The following CTNNA3 variants were observed in gnomAD, a reference collection of about 807,000 sequenced individuals.
CTNNA3 encodes catenin alpha-3.
A neutral mutation model predicts 95.7 loss-of-function variants in CTNNA3; 76 were observed. The ratio of observed to expected loss-of-function variants is 0.79; its 90% CI spans 0.66 to 0.96. The LOEUF is 0.96. Ranked by LOEUF, CTNNA3 falls within the 40% of genes least tolerant of loss-of-function variation. CTNNA3 has a pLI of 0.00. For synonymous variants in CTNNA3, 431 were observed against 374.4 expected, an observed-to-expected ratio of 1.15 and a Z score of -1.74; for missense variants, 1,191 against 1,089.8, an observed-to-expected ratio of 1.09 and a Z score of -1.31.
intron 13 of CTNNA3, among the ~76,000 whole-genome samples, chr10:66,130,624 C>T (rs931270072): frequency 1.3e-5 from 2 of 151,896 alleles, no homozygotes; most frequent in African/African-American, 4.8e-5. Context: ...GCAGGAGGAT[C>T]GTGAGGTCTC....
chr10:67,246,148 C>T lies in CTNNA3; in HGVS notation c.580-26278G>A, dbSNP rs149592860. Among the ~76,000 whole-genome samples the T allele has an allele frequency of 1.2e-3, 185 of 152,278 alleles. 1 individual carries two copies. The highest frequency in any genetic ancestry group is 4.4e-3 in the African/African-American group (181 of 41,566). ...GGCAAGTTGTATTTAAAATCCAGAT[C>T]CCTAATTAATAACGATTTTGCCTTA... On this transcript the variant is annotated intron_variant, in intron 5 of 17. Transcript: ENST00000433211.
intron 16 of CTNNA3, among the ~76,000 whole-genome samples, chr10:65,987,915 T>G (rs1462149064): frequency 1.3e-5 from 2 of 152,142 alleles, no homozygotes; most frequent in African/African-American, 4.8e-5. Context: ...GACATTATGT[T>G]AAGTGAAATA....
intron 7 of CTNNA3, among the ~76,000 whole-genome samples, chr10:67,013,328 G>C (rs1370487775): frequency 6.6e-6 from 1 of 152,112 alleles, no homozygotes; most frequent in Non-Finnish European, 1.5e-5. Context: ...ATTTCAGTGA[G>C]TAGTTATTTC....
In CTNNA3 at chr10:66,976,385, C is replaced by T. The variant is rs7912293; in HGVS notation, c.1048-200861G>A. Among the ~76,000 whole-genome samples, 1,242 of 152,176 alleles carry T rather than the reference C, an allele frequency of 8.2e-3. 16 individuals carry two copies. Among genetic ancestry groups the T allele is most frequent in the African/African-American group, 0.028 (1,176 of 41,524 alleles). On this transcript the variant is annotated intron_variant, in intron 7 of 17. Coordinates refer to ENST00000433211, the MANE Select transcript of CTNNA3 (RefSeq NM_013266.4). The stretch of plus-strand genomic sequence containing the variant: ...ACATTTCAGACAAAGAAAAACATGT[C>T]AAACATCCTCTCGACTCTGGAACCC...
rs1207865034 is a variant in CTNNA3 at position 67,692,196 on chromosome 10, G to C, written c.-6+3804C>G. ...TCTGCCCGGCCGCCCCTACTGGGAAGTGAGGAGCCCCTCTGCCCGGCCACC... is the reference window on the plus strand; with the variant it reads ...TCTGCCCGGCCGCCCCTACTGGGAACTGAGGAGCCCCTCTGCCCGGCCACC... On this transcript the variant is annotated intron_variant, in intron 1 of 17. Coordinates refer to ENST00000433211, the MANE Select transcript of CTNNA3 (RefSeq NM_013266.4). Among the ~76,000 whole-genome samples the C allele has an allele frequency of 2.0e-5, 3 of 151,078 alleles. No homozygotes were observed. The East Asian group carries it at 6.0e-4, about 30-fold the overall frequency.
intron 3 of CTNNA3, among the ~76,000 whole-genome samples, chr10:67,601,032 C>A (rs1341235346): frequency 1.3e-5 from 2 of 152,178 alleles, no homozygotes; most frequent in Non-Finnish European, 2.9e-5. Flanking sequence ...GTAGCGGGGA[C>A]AAGGGGCCCT....
intron 13 of CTNNA3, among the ~76,000 whole-genome samples, chr10:66,156,581 G>A (rs74141247): frequency 1.3e-5 from 2 of 151,108 alleles, no homozygotes; most frequent in African/African-American, 4.9e-5. Context: ...TAGGGAAACA[G>A]ACAATAAACA....
At chr10:67,365,687 C>T (rs76930234) in intron 5 of CTNNA3, among the ~76,000 whole-genome samples, 1,758 of 152,270 alleles carry the variant, frequency 0.012, 26 homozygotes, top group Non-Finnish European at 0.016. Flanking sequence ...TACCATCTCA[C>T]GCCAGTTAGA....
At chr10:66,973,891 G>A (rs568768900) in intron 7 of CTNNA3, among the ~76,000 whole-genome samples, 4 of 151,954 alleles carry the variant, frequency 2.6e-5, no homozygotes, top group South Asian at 4.2e-4. Flanking sequence ...CAAAGTGCTG[G>A]GATTACAGGC....
chr10:67,138,869 C>G (rs1860415162), intron 7 of CTNNA3, among the ~76,000 whole-genome samples: 2 of 152,064 alleles, frequency 1.3e-5, no homozygotes, highest in Non-Finnish European at 2.9e-5. Flanking sequence ...CCTAAGTCAT[C>G]CATCTATAGG....
intron 1 of CTNNA3, among the ~76,000 whole-genome samples, chr10:67,722,400 T>C (rs1841184507): frequency 6.6e-6 from 1 of 152,168 alleles, no homozygotes; most frequent in African/African-American, 2.4e-5. Context: ...GTCATGAAGT[T>C]TTTGCTATCC....
rs187704107 is a variant in CTNNA3, at chr10:66,009,459, G to C, written c.2160-20662C>G. 3.9e-5 allele frequency among the ~76,000 whole-genome samples: 6 copies of C among 152,266 alleles called. No homozygotes were observed. In the South Asian group the frequency reaches 6.2e-4, roughly 16 times the overall value. On this transcript the variant is annotated intron_variant, in intron 15 of 17. Coordinates refer to ENST00000433211, the MANE Select transcript of CTNNA3 (RefSeq NM_013266.4). ...CTTGTCTGGGATATACACTAAAGGA[G>C]AGTGTCAATGCCAATCATACATTAA...
At chr10:66,735,915 T>C (rs180935078) in intron 9 of CTNNA3, among the ~76,000 whole-genome samples, 1 of 152,330 alleles carries the variant, frequency 6.6e-6, no homozygotes, top group East Asian at 1.9e-4. Context: ...ATAGGGGCTT[T>C]ATGGAGCATT....
At chr10:66,523,570 T>A (rs1231707967) in intron 10 of CTNNA3, among the ~76,000 whole-genome samples, 2 of 151,802 alleles carry the variant, frequency 1.3e-5, no homozygotes, top group African/African-American at 4.9e-5. Flanking sequence ...CTTCTTCACG[T>A]AAAACTAAAG....
intron 5 of CTNNA3, among the ~76,000 whole-genome samples, chr10:67,464,308 T>C (rs1318963617): frequency 3.3e-5 from 5 of 152,188 alleles, no homozygotes; most frequent in Admixed American, 3.3e-4. Flanking sequence ...AAATTTTTTA[T>C]ATTCTTCAAG....
At chr10:67,250,802 T>C (rs776818151) in intron 5 of CTNNA3, among the ~76,000 whole-genome samples, 25 of 152,176 alleles carry the variant, frequency 1.6e-4, no homozygotes, top group Non-Finnish European at 3.7e-4. Flanking sequence ...AAGATGGCTA[T>C]GATAAAAATG....
At chr10:66,167,072 G>A (rs886566246) in intron 13 of CTNNA3, among the ~76,000 whole-genome samples, 3 of 152,086 alleles carry the variant, frequency 2.0e-5, no homozygotes, top group Non-Finnish European at 2.9e-5. Context: ...CTGAAGTATT[G>A]TAACATGCAA....
chr10:66,690,472 C>T (rs1847480460), intron 9 of CTNNA3, among the ~76,000 whole-genome samples: 1 of 151,118 alleles, frequency 6.6e-6, no homozygotes, highest in African/African-American at 2.4e-5. Context: ...CTATCCCTCC[C>T]CCGTCCCCCC....
intron 13 of CTNNA3, among the ~76,000 whole-genome samples, chr10:66,172,477 G>A (rs7083058): frequency 0.14 from 21,397 of 151,434 alleles, 2,426 homozygotes; most frequent in African/African-American, 0.32. Context: ...TAACATTCTT[G>A]TTTATTTTAT....
Sources: gnomAD v4.1 joint callset for allele counts (sites outside exome capture counted in the v4.1 genomes callset) on GRCh38, gnomAD v4.1.1 for gene constraint, MANE v1.5 for transcripts, NCBI Gene and HGNC (gene_info 2026-07-23, HGNC 2026-07-21) for gene names.